The following GRM5 variants were observed in gnomAD, a reference collection of about 807,000 sequenced individuals.
GRM5 encodes glutamate metabotropic receptor 5.
Under a neutral mutation model 83.1 loss-of-function variants are expected in GRM5, and 19 were observed. That is an observed-to-expected ratio of 0.23 (90% CI 0.16 to 0.34). The LOEUF (loss-of-function observed/expected upper bound fraction) is 0.34, where lower values mean the gene tolerates loss of function less well. Among genes scored for constraint, GRM5 ranks in the 10% least tolerant of loss-of-function variants. The pLI, the probability that GRM5 is intolerant of heterozygous loss-of-function variation, is 1.00. For missense variants in GRM5, 1,160 were observed against 1,588.3 expected, an observed-to-expected ratio of 0.73 and a Z score of 4.58; for synonymous variants, 675 against 633.6, an observed-to-expected ratio of 1.07 and a Z score of -0.98.
At chr11:88,731,941 A>G (rs1379611666) in intron 3 of GRM5, among the ~76,000 whole-genome samples, 2 of 152,084 alleles carry the variant, frequency 1.3e-5, no homozygotes, top group African/African-American at 4.8e-5. Flanking sequence ...CATTGAATCA[A>G]TGCTCAGTAT....
At chr11:88,786,579 T>C (rs1040973851) in intron 3 of GRM5, among the ~76,000 whole-genome samples, 2 of 152,172 alleles carry the variant, frequency 1.3e-5, no homozygotes, top group African/African-American at 4.8e-5. Context: ...GCTTTTGTTC[T>C]TGCTGTGCCC....
At chr11:88,694,867 C>T (rs12270332) in intron 3 of GRM5, among the ~76,000 whole-genome samples, 4,494 of 152,170 alleles carry the variant, frequency 0.03, 207 homozygotes, top group African/African-American at 0.1. Context: ...TGCTAGGATG[C>T]TAAAGGACAT....
At chr11:88,867,007 G>A (rs938991403) in intron 2 of GRM5, among the ~76,000 whole-genome samples, 1 of 151,718 alleles carries the variant, frequency 6.6e-6, no homozygotes, top group African/African-American at 2.4e-5. Flanking sequence ...TCAAAGATCA[G>A]GTGGTTGTAG....
intron 2 of GRM5, among the ~76,000 whole-genome samples, chr11:88,907,502 G>C (rs1565286863): frequency 6.6e-6 from 1 of 152,168 alleles, no homozygotes; most frequent in Admixed American, 6.5e-5. Context: ...AGTTTGGAAG[G>C]CTTCTAGTGC....
chr11:88,852,518 T>C (rs1944404596), intron 2 of GRM5, among the ~76,000 whole-genome samples: 1 of 152,100 alleles, frequency 6.6e-6, no homozygotes, highest in South Asian at 2.1e-4. Flanking sequence ...ATGGCACTAT[T>C]ACTGTACACT....
chr11:88,811,947 G>A (rs943170726), intron 3 of GRM5, among the ~76,000 whole-genome samples: 36 of 152,072 alleles, frequency 2.4e-4, no homozygotes, highest in African/African-American at 8.5e-4. Flanking sequence ...TCTCTGCAGC[G>A]TAGAGGGTAG....
At chr11:88,630,621 C>G (rs1007616331) in intron 4 of GRM5, among the ~76,000 whole-genome samples, 1 of 151,530 alleles carries the variant, frequency 6.6e-6, no homozygotes, top group South Asian at 2.1e-4. Context: ...TCTTGTTGCC[C>G]AGGCTGGAGT....
In GRM5 at chr11:88,891,642, C is replaced by T. The variant is rs189422678; in HGVS notation, c.662-41487G>A. Among the ~76,000 whole-genome samples, 380 of 139,866 alleles carry T rather than the reference C, an allele frequency of 2.7e-3. 5 individuals carry two copies. Among genetic ancestry groups the T allele is most frequent in the Admixed American group, 0.024 (325 of 13,446 alleles). 91.8% of individuals were successfully genotyped at this position (139,866 alleles called of 152,430 possible). A position where few individuals can be genotyped will look rare whatever the true frequency, so the allele number is the denominator to read the frequency against. ...TTAATTTTAAAATTATTGTAAACCA[C>T]GGAGATAACTAAACTTCTTTGTCAG... is the stretch of plus-strand genomic sequence containing the variant. On this transcript the variant is annotated intron_variant, in intron 2 of 9. Coordinates refer to ENST00000305447, the MANE Select transcript of GRM5 (RefSeq NM_001143831.3).
intron 3 of GRM5, among the ~76,000 whole-genome samples, chr11:88,714,951 TCAAAAGGGACATAG>T (rs1053640801): frequency 6.6e-6 from 1 of 151,998 alleles, no homozygotes; most frequent in Non-Finnish European, 1.5e-5. Context: ...GAATATATTT[TCAAAAGGGACATAG>T]AATTATTTTC....
chr11:89,004,718 A>C (rs1303546297), intron 2 of GRM5, among the ~76,000 whole-genome samples: 1 of 152,260 alleles, frequency 6.6e-6, no homozygotes, highest in Non-Finnish European at 1.5e-5. Flanking sequence ...TACTTATCTT[A>C]CTAAAAATTA....
chr11:89,006,022 A>T (rs1039637478), intron 2 of GRM5, among the ~76,000 whole-genome samples: 30 of 152,192 alleles, frequency 2.0e-4, no homozygotes, highest in African/African-American at 7.0e-4. Context: ...GCAGTCGTTG[A>T]AAAAGGCGTC....
intron 2 of GRM5, among the ~76,000 whole-genome samples, chr11:89,005,508 A>T (rs1417110874): frequency 2.0e-5 from 3 of 152,208 alleles, no homozygotes; most frequent in Non-Finnish European, 2.9e-5. Flanking sequence ...ATGGGAATGG[A>T]TATATTATAA....
At chr11:88,819,111 T>C (rs11021449) in intron 3 of GRM5, among the ~76,000 whole-genome samples, 40,621 of 152,066 alleles carry the variant, frequency 0.27, 5,817 homozygotes, top group South Asian at 0.54. Context: ...CTAACAAGAA[T>C]GCTTCCAAAG....
chr11:88,620,306 A>G (rs1235540603), intron 4 of GRM5, among the ~76,000 whole-genome samples: 6 of 152,200 alleles, frequency 3.9e-5, no homozygotes, highest in Non-Finnish European at 8.8e-5. Flanking sequence ...CATTTGCTAA[A>G]TGCCTATTCT....
chr11:88,896,476 C>A (rs1945229535), intron 2 of GRM5, among the ~76,000 whole-genome samples: 1 of 145,098 alleles, frequency 6.9e-6, no homozygotes, highest in East Asian at 2.1e-4. Context: ...GAATCAGAAG[C>A]AATAGGAGAA....
rs561943128 is a variant in GRM5, at chr11:88,683,621, T to A, written c.912-30218A>T. On this transcript the variant is annotated intron_variant, in intron 3 of 9. Coordinates refer to ENST00000305447, the MANE Select transcript of GRM5 (RefSeq NM_001143831.3). ...CTTATTTGGAAATTAGTTTACCATA[T>A]AAATTAATTTATAGTTGGTAGTTTA... is the stretch of plus-strand genomic sequence containing the variant. Among the ~76,000 whole-genome samples, 3 of 152,350 alleles carry A rather than the reference T, an allele frequency of 2.0e-5. No individual in the cohort carries two copies. In the South Asian group the frequency reaches 6.2e-4, roughly 32 times the overall value.
chr11:88,937,833 T>A (rs1423890586), intron 2 of GRM5, among the ~76,000 whole-genome samples: 2 of 151,698 alleles, frequency 1.3e-5, no homozygotes, highest in African/African-American at 4.8e-5. Context: ...CCAGTGGATA[T>A]GTGGGCAAAC....
At chr11:88,578,803 A>G (rs1055955328) in intron 7 of GRM5, among the ~76,000 whole-genome samples, 2 of 152,176 alleles carry the variant, frequency 1.3e-5, no homozygotes, top group Non-Finnish European at 2.9e-5. Context: ...ACCAGAACAC[A>G]ACATTGTTGT....
At chr11:88,845,733 C>G (rs1198833850) in intron 3 of GRM5, among the ~76,000 whole-genome samples, 1 of 151,636 alleles carries the variant, frequency 6.6e-6, no homozygotes, top group African/African-American at 2.4e-5. Flanking sequence ...GCGCCCCCCC[C>G]CACTTTTTAT....
Sources: allele counts gnomAD v4.1 joint callset (sites outside exome capture counted in the v4.1 genomes callset), GRCh38; gene constraint gnomAD v4.1.1; transcripts MANE v1.5; gene names NCBI Gene and HGNC (gene_info 2026-07-23, HGNC 2026-07-21).